EPB41L4A: variants seen among roughly 807,000 people sequenced by gnomAD.
EPB41L4A encodes the protein band 4.1-like protein 4A.
Under a neutral mutation model 108.6 loss-of-function variants are expected in EPB41L4A, and 100 were observed. The ratio of observed to expected loss-of-function variants is 0.92; its 90% CI spans 0.78 to 1.09. The LOEUF is 1.09. Among genes scored for constraint, EPB41L4A ranks in the 50% least tolerant of loss-of-function variants. EPB41L4A has a pLI of 0.00. For synonymous variants in EPB41L4A, 319 were observed against 289.0 expected, an observed-to-expected ratio of 1.10 and a Z score of -1.05; for missense variants, 1,030 against 842.7, an observed-to-expected ratio of 1.22 and a Z score of -2.75.
downstream of EPB41L4A, among the ~76,000 whole-genome samples, chr5:112,141,914 C>A (rs1759085824): frequency 6.6e-6 from 1 of 152,126 alleles, no homozygotes; most frequent in African/African-American, 2.4e-5. Context: ...GCCTAGGTGA[C>A]CACCCTCCTC....
chr5:112,251,239 C>G (rs1274289124), intron 9 of EPB41L4A, among the ~76,000 whole-genome samples: 2 of 152,140 alleles, frequency 1.3e-5, no homozygotes, highest in Non-Finnish European at 2.9e-5. Flanking sequence ...CCAAACAAAA[C>G]TACATAAGTA....
intron 15 of EPB41L4A, chr5:112,196,935 A>C (rs1761992069): frequency 6.6e-6 from 1 of 152,246 alleles, no homozygotes; most frequent in South Asian, 2.1e-4. Context: ...TCCGAAGGAA[A>C]AAGCAGCCTC....
At chr5:112,310,099 AG>A (rs1267285061) in intron 1 of EPB41L4A, among the ~76,000 whole-genome samples, 1 of 152,246 alleles carries the variant, frequency 6.6e-6, no homozygotes, top group Non-Finnish European at 1.5e-5. Context: ...TGTGGCCTAC[AG>A]AACTGTGAAA....
At chr5:112,189,696 C>CTA (rs762594450) in intron 17 of EPB41L4A, among the ~76,000 whole-genome samples, 18 of 152,272 alleles carry the variant, frequency 1.2e-4, no homozygotes, top group Admixed American at 2.6e-4. Context: ...ACGCACCAGA[C>CTA]TATCTCATGT....
chr5:112,376,805 C>T (rs749275818), intron 1 of EPB41L4A, among the ~76,000 whole-genome samples: 2 of 152,116 alleles, frequency 1.3e-5, no homozygotes, highest in African/African-American at 2.4e-5. Flanking sequence ...GGTATGATTC[C>T]ATTGATATGA....
intron 3 of EPB41L4A, among the ~76,000 whole-genome samples, chr5:112,279,680 A>G (rs1752844262): frequency 6.6e-6 from 1 of 152,194 alleles, no homozygotes; most frequent in Non-Finnish European, 1.5e-5. Flanking sequence ...GTGCTTATAA[A>G]TAAAAACTTG....
intron 1 of EPB41L4A, among the ~76,000 whole-genome samples, chr5:112,330,909 G>A (rs1323194425): frequency 1.3e-5 from 2 of 152,166 alleles, no homozygotes; most frequent in African/African-American, 4.8e-5. Flanking sequence ...GGAGGGGCCT[G>A]CACTCTTCAT....
chr5:112,245,547 G>C (rs561784238), intron 9 of EPB41L4A, among the ~76,000 whole-genome samples: 1 of 152,238 alleles, frequency 6.6e-6, no homozygotes, highest in South Asian at 2.1e-4. Flanking sequence ...AACCTTGTCT[G>C]GTAAAAAAAG....
At chr5:112,270,250 T>C (rs1289304496) in intron 4 of EPB41L4A, among the ~76,000 whole-genome samples, 3 of 152,100 alleles carry the variant, frequency 2.0e-5, no homozygotes, top group Admixed American at 6.6e-5. Flanking sequence ...CTGAGAAAAC[T>C]GAAGGATGTA....
chr5:112,203,094 C>A (rs887002517), intron 15 of EPB41L4A, among the ~76,000 whole-genome samples: 1 of 152,012 alleles, frequency 6.6e-6, no homozygotes, highest in Non-Finnish European at 1.5e-5. Flanking sequence ...AGGCCGGGCG[C>A]GGTGACTCAT....
intron 3 of EPB41L4A, among the ~76,000 whole-genome samples, chr5:112,277,780 A>C (rs1225669193): frequency 6.6e-6 from 1 of 152,226 alleles, no homozygotes; most frequent in African/African-American, 2.4e-5. Flanking sequence ...ATTTTGGACA[A>C]GGATATGTCT....
At chr5:112,212,451 T>G (rs1053797839) in intron 12 of EPB41L4A, among the ~76,000 whole-genome samples, 1 of 151,732 alleles carries the variant, frequency 6.6e-6, no homozygotes, top group Non-Finnish European at 1.5e-5. Context: ...TGACACTGAG[T>G]CCAGCTAATT....
chr5:112,311,911 G>C (rs1411360445), intron 1 of EPB41L4A, among the ~76,000 whole-genome samples: 1 of 152,170 alleles, frequency 6.6e-6, no homozygotes, highest in Non-Finnish European at 1.5e-5. Context: ...AGAGCAGGTA[G>C]AGCCACACAA....
At chr5:112,413,361 G>A (rs567439611) in intron 1 of EPB41L4A, among the ~76,000 whole-genome samples, 1 of 152,288 alleles carries the variant, frequency 6.6e-6, no homozygotes, top group Admixed American at 6.5e-5. Flanking sequence ...TTCACAGTGG[G>A]ATTCACTTTA....
rs1026994467 is a variant in EPB41L4A, at chr5:112,389,839, A to G, written c.99+29102T>C. On this transcript the variant is annotated intron_variant, in intron 1 of 22. Transcript: ENST00000261486. ...GTTATCTCACTTGATCCTCACAACA[A>G]TGCTAGAATTAGGAGATGTTACCAC... Among the ~76,000 whole-genome samples the G allele has an allele frequency of 2.6e-5, 4 of 152,172 alleles. No individual in the cohort carries two copies. The East Asian group carries it at 5.8e-4, about 22-fold the overall frequency.
intron 1 of EPB41L4A, among the ~76,000 whole-genome samples, chr5:112,390,690 G>C (rs984617327): frequency 2.0e-5 from 3 of 152,136 alleles, no homozygotes; most frequent in African/African-American, 7.2e-5. Context: ...TCTGAAGAGA[G>C]CAGTGGTTCT....
intron 12 of EPB41L4A, among the ~76,000 whole-genome samples, chr5:112,150,516 A>T (rs1319741994): frequency 2.6e-5 from 4 of 152,234 alleles, no homozygotes; most frequent in Non-Finnish European, 1.5e-5. Context: ...AAAACTCAGT[A>T]TTAACAGCTG....
intron 1 of EPB41L4A, among the ~76,000 whole-genome samples, chr5:112,398,471 C>G (rs2046741656): frequency 6.6e-6 from 1 of 152,150 alleles, no homozygotes; most frequent in African/African-American, 2.4e-5. Flanking sequence ...TCACTGCAAC[C>G]TCTGCCTCCC....
intron 1 of EPB41L4A, among the ~76,000 whole-genome samples, chr5:112,399,361 T>C (rs1277883357): frequency 6.6e-6 from 1 of 152,044 alleles, no homozygotes; most frequent in Non-Finnish European, 1.5e-5. Context: ...ACCACAACCA[T>C]ATCCTCCCAG....
Sources: gnomAD v4.1 joint callset for allele counts (sites outside exome capture counted in the v4.1 genomes callset) on GRCh38, gnomAD v4.1.1 for gene constraint, MANE v1.5 for transcripts, NCBI Gene and HGNC (gene_info 2026-07-23, HGNC 2026-07-21) for gene names.